The following SP4 variants were observed in gnomAD, a reference collection of about 807,000 sequenced individuals.
SP4 encodes the protein Sp4 transcription factor, also known as transcription factor Sp4.
A neutral mutation model predicts 72.8 loss-of-function variants in SP4; 19 were observed. The observed-to-expected ratio is 0.26, with a 90% CI of 0.18 to 0.38. SP4 has a LOEUF of 0.38. SP4 is among the 10% of genes least tolerant of loss of function. The pLI is 1.00. For missense variants in SP4, 1,008 were observed against 926.3 expected (o/e 1.09, Z -1.14); for synonymous variants, 395 against 333.1 (o/e 1.19, Z -2.02).
Position 21,511,177 on chromosome 7 carries a change from C to T in SP4, c.2263C>T (p.Leu755Phe), listed in dbSNP as rs1782133875. ...ACTGGACTCATCTGTTACAGAGGTG[C>T]TTGGCTCCCCAAGAATTGTCACAGT... ...GELDSSVTEV[L>F]GSPRIVTVAA... The change falls in exon 6 of 6, where the codon CTT (leucine) becomes TTT (phenylalanine). Residue 755 changes from leucine to phenylalanine, a missense_variant. By Grantham distance (22) the Leu-to-Phe change is conservative. Transcript: ENST00000222584. 1 of 1,614,014 alleles carries T rather than the reference C, an allele frequency of 6.2e-7. No individual in the cohort carries two copies. Among genetic ancestry groups the T allele is most frequent in the Admixed American group, 1.7e-5 (1 of 60,006 alleles).
chr7:21,510,395 A>G (rs1275834994), intron 5 of SP4, among the ~76,000 whole-genome samples: 1 of 152,224 alleles, frequency 6.6e-6, no homozygotes, highest in Non-Finnish European at 1.5e-5. Context: ...TTCCAAAACA[A>G]AGAAGTCGGT....
In SP4 at chr7:21,514,550, A is replaced by C. The variant is rs970716792; in HGVS notation, c.*3281A>C. 1.3e-5 allele frequency: 2 copies of C among 151,762 alleles called. No homozygotes were observed. The highest frequency in any genetic ancestry group is 2.9e-5 in the Non-Finnish European group (2 of 67,836). The allele number at this position is 151,762 out of a possible 1,614,324, so 9.4% of individuals were successfully genotyped here. Reference sequence around the variant, plus strand: ...TTTTTGTAAAAAAAAAAAAATGAAAAAAAAAGATGAATCCAGAAAAAAACC... The same window carrying C: ...TTTTTGTAAAAAAAAAAAAATGAAACAAAAAGATGAATCCAGAAAAAAACC... On this transcript the variant is annotated 3_prime_UTR_variant, in exon 6 of 6. Transcript: ENST00000222584.
At position 21,472,841 on chromosome 7, in the gene SP4, T is replaced by G. The variant is rs547667258; in HGVS notation, c.1679-4238T>G. Reference sequence around the variant, plus strand: ...AACAGAGAAGAAGGGGTTTCTGAAATGTAGGAAGTTAGCTCACAGAGTCAA... The same window carrying G: ...AACAGAGAAGAAGGGGTTTCTGAAAGGTAGGAAGTTAGCTCACAGAGTCAA... On this transcript the variant is annotated intron_variant, in intron 3 of 5. Coordinates refer to ENST00000222584, the MANE Select transcript of SP4 (RefSeq NM_003112.5). 5.3e-5 allele frequency among the ~76,000 whole-genome samples: 8 copies of G among 150,406 alleles called. No individual in the cohort carries two copies. In the South Asian group the frequency reaches 1.7e-3, roughly 32 times the overall value.
chr7:21,445,675 T>C (rs1245274494), intron 3 of SP4, among the ~76,000 whole-genome samples: 1 of 152,114 alleles, frequency 6.6e-6, no homozygotes, highest in Non-Finnish European at 1.5e-5. Context: ...GTTTAAATAA[T>C]TTGCCTAAGG....
At chr7:21,490,653 A>G (rs1200598013) in intron 5 of SP4, among the ~76,000 whole-genome samples, 2 of 152,182 alleles carry the variant, frequency 1.3e-5, no homozygotes, top group East Asian at 1.9e-4. Context: ...GATATAAAAG[A>G]TGCTTCCTAA....
At chr7:21,481,834 A>G in intron 4 of SP4, 90 bp from the exon 5 acceptor site, 1 of 932,156 alleles carries the variant, frequency 1.1e-6, no homozygotes, top group African/African-American at 1.7e-5. Context: ...GAGAAGCATC[A>G]TTTAATTACC....
At chr7:21,505,006 C>G (rs1237170467) in intron 5 of SP4, among the ~76,000 whole-genome samples, 1 of 152,202 alleles carries the variant, frequency 6.6e-6, no homozygotes, top group Non-Finnish European at 1.5e-5. Context: ...GATGAGAGGA[C>G]CAGGACCGGG....
intron 3 of SP4, among the ~76,000 whole-genome samples, chr7:21,454,472 C>T (rs1274677687): frequency 6.6e-6 from 1 of 151,888 alleles, no homozygotes; most frequent in Non-Finnish European, 1.5e-5. Flanking sequence ...GTTTACCATA[C>T]AAGATCCTTT....
chr7:21,468,448 A>G (rs985984891), intron 3 of SP4, among the ~76,000 whole-genome samples: 1 of 152,032 alleles, frequency 6.6e-6, no homozygotes, highest in Non-Finnish European at 1.5e-5. Flanking sequence ...AATCTTCCTC[A>G]AGATCTTGCA....
chr7:21,475,557 T>C (rs980160849), intron 3 of SP4, among the ~76,000 whole-genome samples: 2 of 152,044 alleles, frequency 1.3e-5, no homozygotes, highest in Non-Finnish European at 2.9e-5. Context: ...CCCAGGTTCA[T>C]GCCATTCTCC....
intron 4 of SP4, among the ~76,000 whole-genome samples, chr7:21,480,155 G>A (rs1784642145): frequency 6.6e-6 from 1 of 152,060 alleles, no homozygotes; most frequent in Admixed American, 6.6e-5. Flanking sequence ...GTACAATGTT[G>A]ACAGTGTGCT....
intron 5 of SP4, among the ~76,000 whole-genome samples, chr7:21,510,285 A>C (rs1020831707): frequency 6.6e-6 from 1 of 152,234 alleles, no homozygotes; most frequent in African/African-American, 2.4e-5. Flanking sequence ...CATTGTGCAC[A>C]TCAGGATAAA....
chr7:21,510,595 C>G (rs1415168930), intron 5 of SP4, among the ~76,000 whole-genome samples: 1 of 152,028 alleles, frequency 6.6e-6, no homozygotes, highest in Non-Finnish European at 1.5e-5. Flanking sequence ...GAAATAGTTC[C>G]AAGATATTTC....
At chr7:21,494,042 AT>A (rs1209570253) in intron 5 of SP4, among the ~76,000 whole-genome samples, 1 of 152,228 alleles carries the variant, frequency 6.6e-6, no homozygotes, top group Non-Finnish European at 1.5e-5. Context: ...AAGAAAAAAA[AT>A]CACATGACAG....
At chr7:21,454,929 G>A (rs1236703020) in intron 3 of SP4, among the ~76,000 whole-genome samples, 5 of 152,212 alleles carry the variant, frequency 3.3e-5, no homozygotes, top group Admixed American at 1.3e-4. Context: ...ATTTGGAGGA[G>A]AGTTGATCAG....
At chr7:21,465,783 A>G (rs1007214217) in intron 3 of SP4, among the ~76,000 whole-genome samples, 2 of 151,946 alleles carry the variant, frequency 1.3e-5, no homozygotes, top group African/African-American at 4.8e-5. Context: ...TGATTGCTTG[A>G]GCCTAGGGGT....
intron 5 of SP4, among the ~76,000 whole-genome samples, chr7:21,510,804 G>A (rs140709731): frequency 0.012 from 1,813 of 152,286 alleles, 17 homozygotes; most frequent in Non-Finnish European, 0.02. Flanking sequence ...CCAGTTCATA[G>A]CAGAAGCAGG....
At chr7:21,429,256 C>A in intron 2 of SP4, 33 bp from the exon 3 acceptor site, 3 of 1,251,346 alleles carry the variant, frequency 2.4e-6, no homozygotes, top group Middle Eastern at 1.9e-4. Flanking sequence ...TTTTTTCCCC[C>A]CCCCCTCTCC....
intron 5 of SP4, among the ~76,000 whole-genome samples, chr7:21,497,755 A>G (rs969730323): frequency 2.6e-5 from 4 of 152,256 alleles, no homozygotes; most frequent in South Asian, 2.1e-4. Context: ...CTATTTATAG[A>G]TGATAGTTAA....
Sources: gnomAD v4.1 joint callset for allele counts (sites outside exome capture counted in the v4.1 genomes callset) on GRCh38, gnomAD v4.1.1 for gene constraint, MANE v1.5 for transcripts, NCBI Gene and HGNC (gene_info 2026-07-23, HGNC 2026-07-21) for gene names.